TRIM33: variants seen among roughly 807,000 people sequenced by gnomAD.
TRIM33 encodes the protein tripartite motif containing 33, also known as E3 ubiquitin-protein ligase TRIM33.
In TRIM33, 20 loss-of-function variants were observed where a neutral mutation model predicts 125.4. The observed-to-expected ratio is 0.16, with a 90% confidence interval of 0.11 to 0.23. The LOEUF (loss-of-function observed/expected upper bound fraction) is 0.23. TRIM33 is among the 10% of genes least tolerant of loss of function. The pLI is 1.00. For synonymous variants in TRIM33, 564 were observed against 513.9 expected (o/e 1.10, Z -1.32); for missense variants, 920 against 1,411.4 (o/e 0.65, Z 5.58).
intron 1 of TRIM33, among the ~76,000 whole-genome samples, chr1:114,497,591 C>A (rs10776785): frequency 1.3e-5 from 2 of 152,252 alleles, no homozygotes; most frequent in Admixed American, 1.3e-4. Flanking sequence ...GTAAGCCACC[C>A]TGCCTGGCCT....
intron 1 of TRIM33, among the ~76,000 whole-genome samples, chr1:114,493,756 C>G (rs1044057861): frequency 2.0e-5 from 3 of 152,190 alleles, no homozygotes; most frequent in African/African-American, 7.2e-5. Flanking sequence ...AATGCAGCCT[C>G]AACCTCCCCA....
intron 11 of TRIM33, among the ~76,000 whole-genome samples, chr1:114,419,801 T>C (rs1653164467): frequency 2.0e-5 from 3 of 152,230 alleles, no homozygotes; most frequent in Admixed American, 2.0e-4. Context: ...ATGAGGGATA[T>C]GTTAATTTGT....
At position 114,401,474 on chromosome 1, in the gene TRIM33, C is replaced by A. The variant is rs756038538; in HGVS notation, c.2893-11G>T. The A allele has an allele frequency of 6.2e-5, 99 of 1,607,694 alleles. No homozygotes were observed. The highest frequency in any genetic ancestry group is 3.0e-4 in the African/African-American group (22 of 74,494). On this transcript the variant is annotated splice_polypyrimidine_tract_variant and intron_variant, in intron 16 of 19. Coordinates refer to ENST00000358465, the MANE Select transcript of TRIM33 (RefSeq NM_015906.4). Reference sequence around the variant, plus strand: ...AAGACGTTCACATTTCTGGCCCAAACAAGGAAAGGAAAGCACATGAAATAT... The same window carrying A: ...AAGACGTTCACATTTCTGGCCCAAAAAAGGAAAGGAAAGCACATGAAATAT...
chr1:114,393,422 C>T lies in TRIM33; in HGVS notation c.*4226G>A. On this transcript the variant is annotated 3_prime_UTR_variant, in exon 20 of 20. Coordinates refer to ENST00000358465, the MANE Select transcript of TRIM33 (RefSeq NM_015906.4). Reference sequence around the variant, plus strand: ...CTTACAAAATCATTTTGGTGCCTTCCCACACATAAATTTGGTGAATTTAAA... The same window carrying T: ...CTTACAAAATCATTTTGGTGCCTTCTCACACATAAATTTGGTGAATTTAAA... The T allele has an allele frequency of 4.9e-6, 1 of 202,214 alleles. No individual in the cohort carries two copies. The highest frequency in any genetic ancestry group is 7.6e-5 in the East Asian group (1 of 13,138). The allele number at this position is 202,214 out of a possible 1,614,324, so 12.5% of individuals were successfully genotyped here. A position where few individuals can be genotyped will look rare whatever the true frequency, so the allele number is the denominator to read the frequency against.
chr1:114,466,133 GAAAGGGGAAAAGGAAA>G (rs1650284744), intron 1 of TRIM33, among the ~76,000 whole-genome samples: 1 of 152,038 alleles, frequency 6.6e-6, no homozygotes, highest in Non-Finnish European at 1.5e-5. Context: ...AAAGTGAAGA[GAAAGGGGAAAAGGAAA>G]AATATTTTCA....
At chr1:114,411,887 T>C (rs1356585339) in intron 11 of TRIM33, among the ~76,000 whole-genome samples, 1 of 152,186 alleles carries the variant, frequency 6.6e-6, no homozygotes, top group African/African-American at 2.4e-5. Context: ...TAAAGCAATG[T>C]TTTTTGAGCA....
intron 1 of TRIM33, among the ~76,000 whole-genome samples, chr1:114,466,847 T>C (rs1234059910): frequency 6.6e-6 from 1 of 152,248 alleles, no homozygotes; most frequent in African/African-American, 2.4e-5. Flanking sequence ...TCTGCTCGCC[T>C]TGGCCTCCCA....
chr1:114,471,091 G>A (rs1650616602), intron 1 of TRIM33, among the ~76,000 whole-genome samples: 1 of 152,302 alleles, frequency 6.6e-6, no homozygotes, highest in Admixed American at 6.5e-5. Flanking sequence ...GAGCCACTGC[G>A]CCTGGCCTGC....
intron 1 of TRIM33, among the ~76,000 whole-genome samples, chr1:114,481,705 A>T (rs552307389): frequency 3.1e-4 from 46 of 150,720 alleles, no homozygotes; most frequent in Non-Finnish European, 4.9e-4. Flanking sequence ...GTATATATAT[A>T]TTTTTTTATA....
chr1:114,421,604 G>A lies in TRIM33; in HGVS notation c.1893C>T (p.Pro631=), dbSNP rs146261393. 2.0e-4 allele frequency: 322 copies of A among 1,614,102 alleles called. No individual in the cohort carries two copies. In the African/African-American group the frequency reaches 2.3e-3, roughly 11 times the overall value. ...TTGTGGTGTTGTGTACCGATACTAC[G>A]GGAAAGGGTCCAGCATGCCCTGGGT... ...HSNPGHAGPF[P]VVSVHNTTIN... is the part of the protein sequence containing the mutation. The change falls in exon 11 of 20, where the codon CCC becomes CCT. Residue 631 remains proline (P), a synonymous_variant. Transcript: ENST00000358465.
intron 1 of TRIM33, among the ~76,000 whole-genome samples, chr1:114,504,147 CTTTT>C (rs556629115): frequency 2.1e-4 from 31 of 150,906 alleles, no homozygotes; most frequent in Non-Finnish European, 3.8e-4. Flanking sequence ...AGCCATTATC[CTTTT>C]TTTTTATTTT....
At chr1:114,481,466 C>G (rs1343895961) in intron 1 of TRIM33, among the ~76,000 whole-genome samples, 1 of 151,362 alleles carries the variant, frequency 6.6e-6, no homozygotes, top group African/African-American at 2.4e-5. Context: ...TGGCACACGC[C>G]TATAATCCCA....
chr1:114,402,716 C>G, intron 16 of TRIM33, 44 bp downstream of exon 16: 1 of 1,594,674 alleles, frequency 6.3e-7, no homozygotes, highest in Non-Finnish European at 8.5e-7. Flanking sequence ...TATAGGCAGA[C>G]AACTACTGAA....
chr1:114,406,846 T>C (rs1652276963), intron 14 of TRIM33, 95 bp downstream of exon 14: 1 of 1,251,814 alleles, frequency 8.0e-7, no homozygotes, highest in Non-Finnish European at 1.1e-6. Flanking sequence ...AAATAAATGT[T>C]TCTAGACCCA....
chr1:114,503,856 T>G (rs1375495520), intron 1 of TRIM33, among the ~76,000 whole-genome samples: 4 of 152,192 alleles, frequency 2.6e-5, no homozygotes, highest in African/African-American at 9.7e-5. Flanking sequence ...AGTTTTTAAG[T>G]AAAACCATAG....
At chr1:114,440,909 C>T (rs769943611) in intron 4 of TRIM33, among the ~76,000 whole-genome samples, 41 of 152,198 alleles carry the variant, frequency 2.7e-4, no homozygotes, top group Non-Finnish European at 4.0e-4. Context: ...ACAATCACAA[C>T]GCACATTTTT....
intron 11 of TRIM33, among the ~76,000 whole-genome samples, chr1:114,411,946 T>C (rs182685898): frequency 3.9e-5 from 6 of 152,286 alleles, no homozygotes; most frequent in African/African-American, 1.4e-4. Context: ...ATAATTTTCA[T>C]GATTTAAAAG....
In TRIM33 at chr1:114,414,612, C is replaced by T. The variant is rs933468030; in HGVS notation, c.2062-4296G>A. On this transcript the variant is annotated intron_variant, in intron 11 of 19. Transcript: ENST00000358465. ...TTATTGGGTTCTCCTGGTATATACT[C>T]ACCTTAGGTTGATGCCTTACAATTT... Among the ~76,000 whole-genome samples, 7 of 152,284 alleles carry T rather than the reference C, an allele frequency of 4.6e-5. 2 individuals are homozygous for T. Among genetic ancestry groups the T allele is most frequent in the Admixed American group, 4.6e-4 (7 of 15,294 alleles).
chr1:114,403,299 G>A (rs1318921183), intron 15 of TRIM33, among the ~76,000 whole-genome samples: 3 of 152,174 alleles, frequency 2.0e-5, no homozygotes, highest in Non-Finnish European at 2.9e-5. Context: ...AATGCCACAA[G>A]TAAATCAGTT....
Sources: gnomAD v4.1 joint callset for allele counts (sites outside exome capture counted in the v4.1 genomes callset) on GRCh38, gnomAD v4.1.1 for gene constraint, MANE v1.5 for transcripts, NCBI Gene and HGNC (gene_info 2026-07-23, HGNC 2026-07-21) for gene names.